Variants in PCBP3 observed in about 807,000 individuals in gnomAD.
The protein encoded by PCBP3 is poly(rC)-binding protein 3.
Under a neutral mutation model 52.7 loss-of-function variants are expected in PCBP3, and 25 were observed. The observed-to-expected ratio is 0.47, with a 90% CI of 0.35 to 0.66. The LOEUF (loss-of-function observed/expected upper bound fraction) is 0.66. Among genes scored for constraint, PCBP3 ranks in the 30% least tolerant of loss-of-function variants. The pLI, the probability that PCBP3 is intolerant of heterozygous loss-of-function variation, is 0.01. For missense variants in PCBP3, 391 were observed against 490.3 expected (o/e 0.80, Z 1.91); for synonymous variants, 162 against 183.0 (o/e 0.89, Z 0.93).
At chr21:45,667,820 T>TG (rs1239999055) in intron 1 of PCBP3, among the ~76,000 whole-genome samples, 7 of 152,298 alleles carry the variant, frequency 4.6e-5, no homozygotes, top group Admixed American at 2.6e-4. Context: ...TTCCATTTTT[T>TG]TTGTTGTTGT....
intron 5 of PCBP3, among the ~76,000 whole-genome samples, chr21:45,883,888 G>A (rs1019292244): frequency 6.6e-6 from 1 of 152,068 alleles, no homozygotes; most frequent in Non-Finnish European, 1.5e-5. Flanking sequence ...AAGTTATTAC[G>A]GTATTGAGAT....
chr21:45,929,770 G>T, intron 13 of PCBP3, 147 bp from the exon 14 acceptor site: 1 of 662,454 alleles, frequency 1.5e-6, no homozygotes. Flanking sequence ...CCCAGGCCAA[G>T]TCCTTGCGTT....
chr21:45,705,617 A>G lies in PCBP3; in HGVS notation c.-199-29775A>G, dbSNP rs368504185. 3.1e-4 allele frequency among the ~76,000 whole-genome samples: 47 copies of G among 152,276 alleles called. No homozygotes were observed. In the East Asian group the frequency reaches 7.1e-3, roughly 23 times the overall value. ...GAAAGTGCCTGTCAGTGTGGACCCA[A>G]ACAGGGAACCTCTGGGCACCTGTGG... is the stretch of plus-strand genomic sequence containing the variant. On this transcript the variant is annotated intron_variant, in intron 2 of 17. Coordinates refer to ENST00000681687, the MANE Select transcript of PCBP3 (RefSeq NM_001384156.1).
chr21:45,875,288 G>A (rs1457689360), intron 5 of PCBP3, among the ~76,000 whole-genome samples: 3 of 152,164 alleles, frequency 2.0e-5, no homozygotes, highest in South Asian at 2.1e-4. Context: ...GGGCCCCTCC[G>A]TGCTGCGTGC....
intron 11 of PCBP3, among the ~76,000 whole-genome samples, chr21:45,912,843 C>T (rs1237740924): frequency 6.6e-6 from 1 of 152,168 alleles, no homozygotes; most frequent in East Asian, 1.9e-4. Context: ...TCAAGTCAGC[C>T]CAGACCCGCC....
chr21:45,874,320 C>G (rs116147896), intron 5 of PCBP3, among the ~76,000 whole-genome samples: 1 of 152,176 alleles, frequency 6.6e-6, no homozygotes, highest in African/African-American at 2.4e-5. Flanking sequence ...GGAGAATTAA[C>G]ATTTTAAATT....
intron 2 of PCBP3, among the ~76,000 whole-genome samples, chr21:45,715,010 A>G (rs1485816399): frequency 6.6e-6 from 1 of 152,236 alleles, no homozygotes; most frequent in Non-Finnish European, 1.5e-5. Flanking sequence ...TTATTCACAT[A>G]GTCAAAAACT....
chr21:45,849,678 A>C (rs1193550014), intron 4 of PCBP3, among the ~76,000 whole-genome samples: 1 of 152,196 alleles, frequency 6.6e-6, no homozygotes, highest in Non-Finnish European at 1.5e-5. Flanking sequence ...GAAATACGTA[A>C]GTAAGTGCAA....
chr21:45,856,420 C>A (rs888173000), intron 5 of PCBP3, among the ~76,000 whole-genome samples: 1 of 152,204 alleles, frequency 6.6e-6, no homozygotes, highest in Non-Finnish European at 1.5e-5. Flanking sequence ...TTTGCCCTAC[C>A]CACATCTCAC....
At position 45,830,970 on chromosome 21, in the gene PCBP3, C is replaced by T. The variant is rs1285614850; in HGVS notation, c.-125-18991C>T. 2.0e-5 allele frequency: 3 copies of T among 152,400 alleles called. No individual in the cohort carries two copies. Among genetic ancestry groups the T allele is most frequent in the Admixed American group, 2.0e-4 (3 of 15,288 alleles). 9.4% of individuals were successfully genotyped at this position (152,400 alleles called of 1,614,324 possible). A position where few individuals can be genotyped will look rare whatever the true frequency, so the allele number is the denominator to read the frequency against. ...TGGCAGCTTCCCGGCCGGCAGCAGTCCCCACGCTGCCCAGGCGGAGCAGCC... is the reference window on the plus strand; with the variant it reads ...TGGCAGCTTCCCGGCCGGCAGCAGTTCCCACGCTGCCCAGGCGGAGCAGCC... On this transcript the variant is annotated intron_variant, in intron 4 of 17. Transcript: ENST00000681687. The surrounding 1 kb of genome is among the most constrained non-coding windows in gnomAD (Gnocchi z 4.4).
intron 4 of PCBP3, among the ~76,000 whole-genome samples, chr21:45,776,757 C>A (rs11911859): frequency 0.013 from 2,016 of 152,102 alleles, 61 homozygotes; most frequent in African/African-American, 0.045. Flanking sequence ...TGTGTCTTTA[C>A]TGACAAGGCT....
intron 15 of PCBP3, among the ~76,000 whole-genome samples, chr21:45,933,645 A>G (rs2076560866): frequency 6.6e-6 from 1 of 152,250 alleles, no homozygotes. Context: ...GAATATAAAG[A>G]ACAGAAACTC....
rs1234625617 is a variant in PCBP3 at position 45,900,893 on chromosome 21, A to T, written c.223-104A>T. Reference sequence around the variant, plus strand: ...GTTCATTCATGGTTTCCGTCAGCGGACAGAGGCATGTGTTTGTGTCAATTG... The same window carrying T: ...GTTCATTCATGGTTTCCGTCAGCGGTCAGAGGCATGTGTTTGTGTCAATTG... On this transcript the variant is annotated intron_variant, in intron 8 of 17. Transcript: ENST00000681687. 5.0e-6 allele frequency: 4 copies of T among 799,944 alleles called. No individual in the cohort carries two copies. The East Asian group carries it at 7.3e-5, about 15-fold the overall frequency. 49.6% of individuals were successfully genotyped at this position (799,944 alleles called of 1,614,324 possible).
At chr21:45,855,410 G>T (rs533007522) in intron 5 of PCBP3, among the ~76,000 whole-genome samples, 1 of 152,058 alleles carries the variant, frequency 6.6e-6, no homozygotes, top group Non-Finnish European at 1.5e-5. Context: ...CTTGAGAACC[G>T]CACCATGGGG....
intron 2 of PCBP3, among the ~76,000 whole-genome samples, chr21:45,703,998 G>A (rs112612433): frequency 1.4e-3 from 216 of 152,280 alleles, no homozygotes; most frequent in African/African-American, 5.1e-3. Flanking sequence ...GATGGAGGTT[G>A]CGAGTGGTTG....
intron 4 of PCBP3, among the ~76,000 whole-genome samples, chr21:45,773,242 G>A (rs1176268602): frequency 2.6e-5 from 4 of 151,936 alleles, no homozygotes; most frequent in Non-Finnish European, 5.9e-5. Flanking sequence ...ATAGTTTCAG[G>A]TCTTACAGTT....
At chr21:45,717,939 G>A (rs12151963) in intron 2 of PCBP3, among the ~76,000 whole-genome samples, 29,741 of 152,000 alleles carry the variant, frequency 0.2, 3,144 homozygotes, top group Middle Eastern at 0.34. Flanking sequence ...GGCAGAATAC[G>A]GTAGTAATGC....
At chr21:45,834,378 A>G (rs748105241) in intron 4 of PCBP3, among the ~76,000 whole-genome samples, 1 of 152,212 alleles carries the variant, frequency 6.6e-6, no homozygotes, top group Non-Finnish European at 1.5e-5. Flanking sequence ...AGGCTGACCG[A>G]AATTTGTGAT....
intron 9 of PCBP3, among the ~76,000 whole-genome samples, chr21:45,905,177 T>C (rs2096168768): frequency 6.6e-6 from 1 of 152,198 alleles, no homozygotes; most frequent in African/African-American, 2.4e-5. Flanking sequence ...ACTTCGAGGC[T>C]TAGCTGGAGT....
Sources: allele counts gnomAD v4.1 joint callset (sites outside exome capture counted in the v4.1 genomes callset), GRCh38; gene constraint gnomAD v4.1.1; non-coding constraint Gnocchi (gnomAD v3.1); transcripts MANE v1.5; gene names NCBI Gene and HGNC (gene_info 2026-07-23, HGNC 2026-07-21).